Variants in KPNA3 observed in about 807,000 individuals in gnomAD.
KPNA3 encodes the protein importin subunit alpha-4.
Under a neutral mutation model 73.8 loss-of-function variants are expected in KPNA3, and 13 were observed. That is an observed-to-expected ratio of 0.18 (90% CI 0.11 to 0.28). KPNA3 has a LOEUF of 0.28. KPNA3 is among the 10% of genes least tolerant of loss of function. The probability of loss-of-function intolerance (pLI) is 1.00; values close to 1 mark genes in which losing one functional copy is unlikely to be tolerated. For missense variants in KPNA3, 360 were observed against 618.1 expected, an observed-to-expected ratio of 0.58 and a Z score of 4.43; for synonymous variants, 186 against 206.9, an observed-to-expected ratio of 0.90 and a Z score of 0.87.
At chr13:49,772,540 C>T (rs951719323) in intron 1 of KPNA3, among the ~76,000 whole-genome samples, 1 of 152,196 alleles carries the variant, frequency 6.6e-6, no homozygotes. Flanking sequence ...CAGTGGCTCA[C>T]ACCTGTAATC....
At chr13:49,754,343 CTTA>C (rs1954692282) in intron 1 of KPNA3, among the ~76,000 whole-genome samples, 1 of 151,934 alleles carries the variant, frequency 6.6e-6, no homozygotes, top group Non-Finnish European at 1.5e-5. Flanking sequence ...TATTGATTGC[CTTA>C]TTAACTATTA....
At chr13:49,765,792 T>C (rs1954803465) in intron 1 of KPNA3, among the ~76,000 whole-genome samples, 1 of 152,214 alleles carries the variant, frequency 6.6e-6, no homozygotes, top group African/African-American at 2.4e-5. Flanking sequence ...CAGACGTCAA[T>C]CACCCCTCCA....
chr13:49,763,552 C>A (rs1954785659), intron 1 of KPNA3, among the ~76,000 whole-genome samples: 1 of 152,126 alleles, frequency 6.6e-6, no homozygotes, highest in Non-Finnish European at 1.5e-5. Context: ...CCAACAAACT[C>A]CAAGTGGGAA....
At chr13:49,730,763 T>TCC (rs1331058332) in intron 6 of KPNA3, among the ~76,000 whole-genome samples, 1 of 67,152 alleles carries the variant, frequency 1.5e-5, no homozygotes, top group African/African-American at 7.1e-5. Flanking sequence ...ATGCTATCCC[T>TCC]CCCCCCTCCC....
At chr13:49,710,254 T>TC (rs1954248181) in intron 11 of KPNA3, among the ~76,000 whole-genome samples, 2 of 152,126 alleles carry the variant, frequency 1.3e-5, no homozygotes, top group South Asian at 4.1e-4. Context: ...AGAACAAGAC[T>TC]CCATCTCAAA....
rs148983119 is a variant in KPNA3 at position 49,718,836 on chromosome 13, A to G, written c.771+939T>C. ...GCTAGAGTAATGTGATACAATTTTT[A>G]TATACAAATTATATTGCCTTGTGAG... On this transcript the variant is annotated intron_variant, in intron 10 of 16. Transcript: ENST00000261667. Among the ~76,000 whole-genome samples the G allele has an allele frequency of 3.5e-4, 54 of 152,302 alleles. 1 individual carries two copies. In the East Asian group the frequency reaches 9.8e-3, roughly 28 times the overall value.
At chr13:49,716,481 C>T (rs1954305061) in intron 10 of KPNA3, among the ~76,000 whole-genome samples, 1 of 151,978 alleles carries the variant, frequency 6.6e-6, no homozygotes, top group East Asian at 1.9e-4. Flanking sequence ...CTCTGTTGCC[C>T]ACGTGGGAGT....
intron 2 of KPNA3, among the ~76,000 whole-genome samples, chr13:49,737,394 T>C (rs954935484): frequency 4.6e-5 from 7 of 152,230 alleles, no homozygotes; most frequent in Admixed American, 1.3e-4. Flanking sequence ...GCTGTTCTGA[T>C]AGATGTGTAG....
intron 1 of KPNA3, among the ~76,000 whole-genome samples, chr13:49,791,966 G>A (rs1353371013): frequency 6.6e-6 from 1 of 152,230 alleles, no homozygotes; most frequent in Non-Finnish European, 1.5e-5. Flanking sequence ...GCAGAAGGTA[G>A]GAGCCCGGAC....
intron 7 of KPNA3, among the ~76,000 whole-genome samples, chr13:49,722,980 A>T (rs546201832): frequency 6.6e-6 from 1 of 152,042 alleles, no homozygotes; most frequent in African/African-American, 2.4e-5. Context: ...CTTTAAAATA[A>T]TTTCTCATAA....
At chr13:49,751,947 G>C (rs964713881) in intron 1 of KPNA3, among the ~76,000 whole-genome samples, 2 of 152,114 alleles carry the variant, frequency 1.3e-5, no homozygotes, top group Non-Finnish European at 2.9e-5. Context: ...GGGAGACAAA[G>C]TATTCTAACG....
Position 49,705,485 on chromosome 13 carries a change from T to C in KPNA3, c.1372+136A>G. The C allele has an allele frequency of 4.3e-6, 4 of 939,614 alleles. No individual in the cohort carries two copies. In the South Asian group the frequency reaches 5.1e-5, roughly 12 times the overall value. 58.2% of individuals were successfully genotyped at this position (939,614 alleles called of 1,614,324 possible). ...CCTCTTGGAATGCAAATATAGTGAATAAAGAAAAGCAACATACTGTGATCA... is the reference window on the plus strand; with the variant it reads ...CCTCTTGGAATGCAAATATAGTGAACAAAGAAAAGCAACATACTGTGATCA... On this transcript the variant is annotated intron_variant, in intron 15 of 16. Transcript: ENST00000261667.
chr13:49,770,507 T>C (rs972724777), intron 1 of KPNA3, among the ~76,000 whole-genome samples: 7 of 152,010 alleles, frequency 4.6e-5, no homozygotes, highest in Non-Finnish European at 1.0e-4. Flanking sequence ...ATGGCGTATT[T>C]TGAAGTACAA....
At position 49,737,561 on chromosome 13, in the gene KPNA3, CTGTGTGTGTGTGTGTGTGTGTGTG is replaced by C. The variant is rs3990330; in HGVS notation, c.115-4539_115-4516del. On this transcript the variant is annotated intron_variant, in intron 2 of 16. Transcript: ENST00000261667. ...TTTTCTTACTATTAAGTGTGTGTGT[CTGTGTGTGTGTGTGTGTGTGTGTG>C]TGTGTGTGTGTGTGTGTGTGTGTGT... is the stretch of plus-strand genomic sequence containing the variant. Among the ~76,000 whole-genome samples, 362 of 143,062 alleles carry C rather than the reference CTGTGTGTGTGTGTGTGTGTGTGTG, an allele frequency of 2.5e-3. 1 individual carries two copies. The highest frequency in any genetic ancestry group is 2.7e-3 in the Non-Finnish European group (175 of 65,986). 93.9% of individuals were successfully genotyped at this position (143,062 alleles called of 152,430 possible).
intron 3 of KPNA3, 47 bp from the exon 4 acceptor site, chr13:49,732,823 T>C: frequency 6.9e-7 from 1 of 1,446,970 alleles, no homozygotes; most frequent in Non-Finnish European, 9.6e-7. Context: ...TTAACAAAAT[T>C]ACATTCATTA....
Position 49,701,842 on chromosome 13 carries a change from A to C in KPNA3, c.1524T>G (p.Phe508Leu). Reference protein sequence around the residue: ...PEATQGGTYNFDPTANLQTKE... With the variant: ...PEATQGGTYNLDPTANLQTKE... ...TTGTTTGAAGGTTGGCTGTTGGATC[A>C]AAATTGTAGGTACCTCCTTGTGTTG... Residue 508 changes from phenylalanine to leucine, a missense_variant, in exon 17 of 17, where the codon TTT becomes TTG. Phe to Leu is a conservative substitution (Grantham distance 22). Around this residue, in one of 3 missense-constraint regions of KPNA3, gnomAD observed 38 missense variants for 39.0 expected, o/e 0.98. Transcript: ENST00000261667. The C allele has an allele frequency of 6.2e-7, 1 of 1,613,616 alleles. No individual in the cohort carries two copies. Among genetic ancestry groups the C allele is most frequent in the East Asian group, 2.2e-5 (1 of 44,862 alleles).
rs9526597 is a variant in KPNA3 at position 49,748,225 on chromosome 13, A to G, written c.70-1232T>C. On this transcript the variant is annotated intron_variant, in intron 1 of 16. Transcript: ENST00000261667. ...CAATGAATTATATCTCTAATGATTCATATTTTTAAAAAGTAAATTCATTGC... is the reference window on the plus strand; with the variant it reads ...CAATGAATTATATCTCTAATGATTCGTATTTTTAAAAAGTAAATTCATTGC... 2.7e-3 allele frequency among the ~76,000 whole-genome samples: 411 copies of G among 152,352 alleles called. 1 individual carries two copies. The highest frequency in any genetic ancestry group is 4.6e-3 in the Non-Finnish European group (314 of 68,036).
At chr13:49,726,548 C>T (rs1403508781) in intron 6 of KPNA3, among the ~76,000 whole-genome samples, 1 of 151,946 alleles carries the variant, frequency 6.6e-6, no homozygotes, top group African/African-American at 2.4e-5. Flanking sequence ...GTGTATTCTA[C>T]AGATATGCTA....
chr13:49,732,287 C>T (rs936222018), intron 6 of KPNA3, 84 bp downstream of exon 6: 4 of 585,400 alleles, frequency 6.8e-6, no homozygotes, highest in African/African-American at 1.9e-5. Context: ...AGTACAAAAC[C>T]AAACTGAACT....
Sources: allele counts gnomAD v4.1 joint callset (sites outside exome capture counted in the v4.1 genomes callset), GRCh38; gene constraint gnomAD v4.1.1; regional missense constraint gnomAD v4.1.1; transcripts MANE v1.5; gene names NCBI Gene and HGNC (gene_info 2026-07-23, HGNC 2026-07-21).